The following IPO7 variants were observed in gnomAD, a reference collection of about 807,000 sequenced individuals.
IPO7 encodes the protein importin-7.
A neutral mutation model predicts 136.4 loss-of-function variants in IPO7; 13 were observed. That is an observed-to-expected ratio of 0.10 (90% CI 0.06 to 0.15). The LOEUF (loss-of-function observed/expected upper bound fraction) is 0.15, where lower values mean the gene tolerates loss of function less well. Ranked by LOEUF, IPO7 falls within the 10% of genes least tolerant of loss-of-function variation. The pLI, the probability that IPO7 is intolerant of heterozygous loss-of-function variation, is 1.00. For synonymous variants in IPO7, 403 were observed against 404.4 expected, an observed-to-expected ratio of 1.00 and a Z score of 0.04; for missense variants, 857 against 1,240.6, an observed-to-expected ratio of 0.69 and a Z score of 4.65.
intron 22 of IPO7, among the ~76,000 whole-genome samples, chr11:9,438,524 C>G (rs1389413471): frequency 6.6e-6 from 1 of 151,998 alleles, no homozygotes. Flanking sequence ...ACTTGGGAGG[C>G]TGAGGCAGGA....
At chr11:9,440,836 A>G (rs1057104594) in intron 23 of IPO7, among the ~76,000 whole-genome samples, 175 bp downstream of exon 23, 1 of 152,192 alleles carries the variant, frequency 6.6e-6, no homozygotes, top group Non-Finnish European at 1.5e-5. Flanking sequence ...TTCTTTATTC[A>G]TCCTGTTATT....
intron 13 of IPO7, 27 bp downstream of exon 13, chr11:9,428,656 A>G (rs762581187): frequency 1.1e-5 from 14 of 1,232,520 alleles, no homozygotes; most frequent in Non-Finnish European, 1.7e-5. Flanking sequence ...CATTATTTAT[A>G]TACTTTTGTC....
chr11:9,398,286 G>C (rs773822360), intron 1 of IPO7, among the ~76,000 whole-genome samples: 4 of 152,074 alleles, frequency 2.6e-5, no homozygotes, highest in Non-Finnish European at 4.4e-5. Flanking sequence ...CTACTCAGTG[G>C]GGCTTAGAGT....
chr11:9,384,835 C>G lies in IPO7; in HGVS notation c.72C>G (p.Arg24=). 6.2e-7 allele frequency: 1 copy of G among 1,600,680 alleles called. No individual in the cohort carries two copies. Among genetic ancestry groups the G allele is most frequent in the Non-Finnish European group, 8.5e-7 (1 of 1,173,744 alleles). ...MDPALREAAE[R]QLNEAHKSLN... ...CAGCCCTGCGTGAGGCCGCGGAGCG[C>G]CAGCTCAATGAAGTAAGGACGCCCG... Residue 24 remains arginine, a synonymous_variant, in exon 1 of 25, where the codon CGC becomes CGG. Coordinates refer to ENST00000379719, the MANE Select transcript of IPO7 (RefSeq NM_006391.3).
At chr11:9,430,687 G>T in intron 15 of IPO7, 188 bp from the exon 16 acceptor site, 2 of 551,720 alleles carry the variant, frequency 3.6e-6, no homozygotes, top group Non-Finnish European at 6.3e-6. Flanking sequence ...CAAGTAGCTT[G>T]TTTAAGGTCA....
chr11:9,441,785 T>C (rs2133767910), intron 23 of IPO7, among the ~76,000 whole-genome samples: 1 of 152,312 alleles, frequency 6.6e-6, no homozygotes, highest in African/African-American at 2.4e-5. Flanking sequence ...ATTCCTGAAG[T>C]CTCCCTGGTT....
intron 18 of IPO7, among the ~76,000 whole-genome samples, chr11:9,434,184 A>G (rs374922994): frequency 6.6e-6 from 1 of 151,944 alleles, no homozygotes; most frequent in East Asian, 1.9e-4. Context: ...CAGCCTCCCA[A>G]AGTGCTGGGA....
In IPO7 at chr11:9,445,081, T is replaced by G. The variant is rs370850304; in HGVS notation, c.3020-16T>G. The stretch of plus-strand genomic sequence containing the variant: ...AGATGATTGAATGCCCTACTAAAAT[T>G]TTATTTGTTTTCTAGAATCCAAAAT... On this transcript the variant is annotated splice_polypyrimidine_tract_variant and intron_variant, in intron 24 of 24. Transcript: ENST00000379719. 3 of 1,559,272 alleles carry G rather than the reference T, an allele frequency of 1.9e-6. No homozygotes were observed. In the East Asian group the frequency reaches 6.7e-5, roughly 35 times the overall value.
chr11:9,428,950 C>T (rs1224679361), intron 13 of IPO7, 81 bp from the exon 14 acceptor site: 7 of 1,282,430 alleles, frequency 5.5e-6, no homozygotes, highest in Non-Finnish European at 8.0e-6. Context: ...AATTCCCACA[C>T]ACAGAACTCA....
intron 22 of IPO7, among the ~76,000 whole-genome samples, chr11:9,438,635 A>T (rs1476883052): frequency 4.6e-5 from 7 of 151,994 alleles, no homozygotes; most frequent in African/African-American, 9.7e-5. Flanking sequence ...AGATTAAAAA[A>T]AAATATATAT....
chr11:9,418,064 C>G (rs987617587), intron 6 of IPO7, among the ~76,000 whole-genome samples: 1 of 148,716 alleles, frequency 6.7e-6, no homozygotes, highest in Non-Finnish European at 1.5e-5. Flanking sequence ...ACTGAATACG[C>G]TGTTTTGTTT....
At chr11:9,436,158 G>T (rs7939388) in intron 19 of IPO7, 113 bp from the exon 20 acceptor site, 9,378 of 644,158 alleles carry the variant, frequency 0.015, 493 homozygotes, top group African/African-American at 0.12. Context: ...ATTAATTAGG[G>T]TACCTCAAGT....
chr11:9,411,676 A>T (rs750365263), intron 4 of IPO7, among the ~76,000 whole-genome samples: 9 of 152,182 alleles, frequency 5.9e-5, no homozygotes, highest in African/African-American at 9.7e-5. Flanking sequence ...TAAGACTAGT[A>T]TTTAAGGATT....
intron 2 of IPO7, among the ~76,000 whole-genome samples, chr11:9,405,858 T>G (rs1854875230): frequency 6.6e-6 from 1 of 152,022 alleles, no homozygotes; most frequent in South Asian, 2.1e-4. Context: ...TCCCTTCCTT[T>G]CTTCCTTCCC....
In IPO7 at chr11:9,407,510, G is replaced by A. The variant is rs181717543; in HGVS notation, c.167-976G>A. 2.0e-5 allele frequency among the ~76,000 whole-genome samples: 3 copies of A among 152,150 alleles called. No homozygotes were observed. The East Asian group carries it at 5.8e-4, about 29-fold the overall frequency. On this transcript the variant is annotated intron_variant, in intron 2 of 24. Coordinates refer to ENST00000379719, the MANE Select transcript of IPO7 (RefSeq NM_006391.3). ...TCAGAGGTTGCAGTGAGCCGAGATC[G>A]CACCACTGCACTCCAGCCTGGTGAC...
Position 9,446,627 on chromosome 11 carries a change from T to C in IPO7, c.*1433T>C, listed in dbSNP as rs1855532719. ...ACATGTATACACAAAATATTTCAAATTGAAAGCAACATCTTAATGGATTCA... is the reference window on the plus strand; with the variant it reads ...ACATGTATACACAAAATATTTCAAACTGAAAGCAACATCTTAATGGATTCA... On this transcript the variant is annotated 3_prime_UTR_variant, in exon 25 of 25. Coordinates refer to ENST00000379719, the MANE Select transcript of IPO7 (RefSeq NM_006391.3). 6.6e-6 allele frequency: 1 copy of C among 152,154 alleles called. No individual in the cohort carries two copies. The highest frequency in any genetic ancestry group is 1.5e-5 in the Non-Finnish European group (1 of 68,028). 9.4% of individuals were successfully genotyped at this position (152,154 alleles called of 1,614,324 possible).
rs1855009118 is a variant in IPO7, at chr11:9,414,304, T to C, written c.529T>C (p.Phe177Leu). The C allele has an allele frequency of 6.2e-7, 1 of 1,613,468 alleles. No homozygotes were observed. The highest frequency in any genetic ancestry group is 8.5e-7 in the Non-Finnish European group (1 of 1,179,774). Residue 177 changes from phenylalanine to leucine, a missense_variant, in exon 5 of 25, where the codon TTT (phenylalanine) becomes CTT (leucine). By Grantham distance (22) the Phe-to-Leu change is conservative. Coordinates refer to ENST00000379719, the MANE Select transcript of IPO7 (RefSeq NM_006391.3). ...TCCATTGGTAGCAGCAATGCAGCAT[T>C]TTCTGCCAGTTCTAAAGGATCGTTT... is the stretch of plus-strand genomic sequence containing the variant. ...RSPLVAAMQHFLPVLKDRFIQ... is the reference protein window; with the variant it reads ...RSPLVAAMQHLLPVLKDRFIQ...
rs919125286 is a variant in IPO7, at chr11:9,444,858, T to C, written c.3020-239T>C. Reference sequence around the variant, plus strand: ...TCTCAAAAAAAAAAAAAAAAAAAGATTTTTTTCTTAACAGTGGGAAGTGAA... The same window carrying C: ...TCTCAAAAAAAAAAAAAAAAAAAGACTTTTTTCTTAACAGTGGGAAGTGAA... On this transcript the variant is annotated intron_variant, in intron 24 of 24. Transcript: ENST00000379719. Among the ~76,000 whole-genome samples, 10 of 149,512 alleles carry C rather than the reference T, an allele frequency of 6.7e-5. No homozygotes were observed. In the South Asian group the frequency reaches 2.1e-3, roughly 32 times the overall value.
intron 8 of IPO7, among the ~76,000 whole-genome samples, chr11:9,422,667 G>A (rs1213808138): frequency 3.3e-5 from 5 of 152,112 alleles, no homozygotes; most frequent in Non-Finnish European, 7.4e-5. Context: ...TAGCAAATGG[G>A]TTAGGTGTGG....
Sources: gnomAD v4.1 joint callset for allele counts (sites outside exome capture counted in the v4.1 genomes callset) on GRCh38, gnomAD v4.1.1 for gene constraint, MANE v1.5 for transcripts, NCBI Gene and HGNC (gene_info 2026-07-23, HGNC 2026-07-21) for gene names.